The following RANBP17 variants were observed in gnomAD, a reference collection of about 807,000 sequenced individuals.
RANBP17 encodes RAN binding protein 17.
A neutral mutation model predicts 141.2 loss-of-function variants in RANBP17; 158 were observed. The ratio of observed to expected loss-of-function variants is 1.12; its 90% CI spans 0.98 to 1.28. The LOEUF (loss-of-function observed/expected upper bound fraction) is 1.28. RANBP17 is among the 50% of genes most tolerant of loss of function. The pLI, the probability that RANBP17 is intolerant of heterozygous loss-of-function variation, is 0.00. For synonymous variants in RANBP17, 430 were observed against 450.0 expected (o/e 0.96, Z 0.56); for missense variants, 1,438 against 1,290.7 (o/e 1.11, Z -1.75).
intron 14 of RANBP17, among the ~76,000 whole-genome samples, chr5:171,003,956 T>C (rs989034113): frequency 6.6e-6 from 1 of 152,178 alleles, no homozygotes; most frequent in African/African-American, 2.4e-5. Flanking sequence ...ACAGGGTGGA[T>C]AGGCAAAACA....
chr5:171,177,819 C>T (rs1760588926), intron 16 of RANBP17, among the ~76,000 whole-genome samples: 2 of 152,074 alleles, frequency 1.3e-5, no homozygotes, highest in Non-Finnish European at 2.9e-5. Context: ...GGTCCTGTCT[C>T]CTATTAGATT....
At chr5:170,973,030 T>C (rs1777103656) in intron 14 of RANBP17, among the ~76,000 whole-genome samples, 1 of 152,224 alleles carries the variant, frequency 6.6e-6, no homozygotes, top group African/African-American at 2.4e-5. Flanking sequence ...ATGATTCATA[T>C]GTGCTGCTGT....
Position 170,924,408 on chromosome 5 carries a change from G to A in RANBP17, c.1326G>A (p.Leu442=). 6.2e-7 allele frequency: 1 copy of A among 1,608,436 alleles called. No individual in the cohort carries two copies. The highest frequency in any genetic ancestry group is 8.5e-7 in the Non-Finnish European group (1 of 1,175,514). ...LDDTATVFQQ[L]EQLCTVSRCE... is the part of the protein sequence containing the mutation. ...ATACTGCCACTGTGTTTCAGCAGTT[G>A]GAGCAGTTGTGCACGGTCAGCAGAT... Residue 442 remains leucine (L), a synonymous_variant, in exon 12 of 28, where the codon TTG becomes TTA. Coordinates refer to ENST00000523189, the MANE Select transcript of RANBP17 (RefSeq NM_022897.5).
chr5:171,186,403 A>G (rs912104479), intron 18 of RANBP17, among the ~76,000 whole-genome samples: 3 of 151,490 alleles, frequency 2.0e-5, no homozygotes, highest in African/African-American at 7.3e-5. Flanking sequence ...TCATGAACCA[A>G]CCTCTGCTAG....
intron 12 of RANBP17, among the ~76,000 whole-genome samples, chr5:170,940,111 A>C (rs1244512090): frequency 1.3e-5 from 2 of 152,238 alleles, no homozygotes; most frequent in Non-Finnish European, 2.9e-5. Flanking sequence ...TATAAATTTG[A>C]ATATTTTAAA....
intron 14 of RANBP17, among the ~76,000 whole-genome samples, chr5:171,105,361 G>C (rs1323398582): frequency 9.2e-6 from 1 of 108,966 alleles, no homozygotes; most frequent in Admixed American, 1.3e-4. Context: ...CAGCCTGGGC[G>C]ACAGAGCGAG....
chr5:170,939,869 G>A (rs985628788), intron 12 of RANBP17, among the ~76,000 whole-genome samples: 1 of 152,162 alleles, frequency 6.6e-6, no homozygotes, highest in South Asian at 2.1e-4. Context: ...TAAAATGGCA[G>A]CACTTCAAGG....
At chr5:170,886,906 G>T (rs1306390990) in intron 3 of RANBP17, among the ~76,000 whole-genome samples, 2 of 151,546 alleles carry the variant, frequency 1.3e-5, no homozygotes, top group Non-Finnish European at 2.9e-5. Context: ...CAAGCGATCC[G>T]CCTGCCTCAG....
intron 14 of RANBP17, among the ~76,000 whole-genome samples, chr5:170,991,950 T>G (rs1778538398): frequency 6.6e-6 from 1 of 152,038 alleles, no homozygotes; most frequent in African/African-American, 2.4e-5. Flanking sequence ...CACAGATTGA[T>G]TTTTGGAGAA....
intron 14 of RANBP17, chr5:171,029,026 T>C: frequency 1.0e-6 from 1 of 985,710 alleles, no homozygotes; most frequent in Non-Finnish European, 1.3e-6. Context: ...AGCCAGTTCT[T>C]TTCTGGTCAG....
At chr5:170,961,187 C>T (rs1488252099) in intron 13 of RANBP17, among the ~76,000 whole-genome samples, 1 of 152,132 alleles carries the variant, frequency 6.6e-6, no homozygotes. Flanking sequence ...TTATCTTCCT[C>T]TTGATAGATT....
At chr5:170,993,817 G>T (rs1318518292) in intron 14 of RANBP17, among the ~76,000 whole-genome samples, 1 of 151,936 alleles carries the variant, frequency 6.6e-6, no homozygotes, top group African/African-American at 2.4e-5. Flanking sequence ...GTTTAAATGA[G>T]CACTCTCCCA....
chr5:171,260,536 A>G (rs1053554133), intron 24 of RANBP17, among the ~76,000 whole-genome samples: 3 of 151,906 alleles, frequency 2.0e-5, no homozygotes, highest in Admixed American at 2.0e-4. Flanking sequence ...GATGAAGAGA[A>G]GTAGGTTAAA....
chr5:171,186,568 G>A lies in RANBP17; in HGVS notation c.2038+3138G>A, dbSNP rs367936664. Among the ~76,000 whole-genome samples the A allele has an allele frequency of 6.7e-3, 589 of 87,980 alleles. 13 individuals carry two copies. Among genetic ancestry groups the A allele is most frequent in the African/African-American group, 0.023 (489 of 21,120 alleles). 57.7% of individuals were successfully genotyped at this position (87,980 alleles called of 152,430 possible). A position where few individuals can be genotyped will look rare whatever the true frequency, so the allele number is the denominator to read the frequency against. The stretch of plus-strand genomic sequence containing the variant: ...TTTTTTTTTTTTGAGACGGAGTCTC[G>A]CTCTGTCGCCCAGGCTGGAGTGCAG... On this transcript the variant is annotated intron_variant, in intron 18 of 27. Coordinates refer to ENST00000523189, the MANE Select transcript of RANBP17 (RefSeq NM_022897.5).
intron 18 of RANBP17, among the ~76,000 whole-genome samples, chr5:171,197,923 T>C (rs1201097749): frequency 6.6e-6 from 1 of 152,066 alleles, no homozygotes; most frequent in African/African-American, 2.4e-5. Context: ...CCTGTAGTCC[T>C]AGCAACTCAG....
intron 14 of RANBP17, among the ~76,000 whole-genome samples, chr5:171,121,462 G>C (rs961211281): frequency 1.3e-5 from 2 of 152,220 alleles, no homozygotes; most frequent in Non-Finnish European, 2.9e-5. Context: ...GAACTTATCT[G>C]CAGAGCTTGG....
At chr5:171,062,996 G>A (rs1361679632) in intron 14 of RANBP17, among the ~76,000 whole-genome samples, 1 of 151,894 alleles carries the variant, frequency 6.6e-6, no homozygotes, top group Non-Finnish European at 1.5e-5. Context: ...CTCGAGCCTT[G>A]GCTTTCAGCT....
intron 14 of RANBP17, chr5:170,968,845 A>G (rs927651557): frequency 3.2e-5 from 12 of 376,076 alleles, no homozygotes; most frequent in Admixed American, 3.0e-4. Context: ...AATGTTAGGA[A>G]TACTCATAGT....
chr5:170,939,213 C>G (rs185438545), intron 12 of RANBP17, among the ~76,000 whole-genome samples: 1 of 152,026 alleles, frequency 6.6e-6, no homozygotes, highest in African/African-American at 2.4e-5. Context: ...AGATTTCAGA[C>G]AAGTGAAAGC....
Sources: gnomAD v4.1 joint callset for allele counts (sites outside exome capture counted in the v4.1 genomes callset) on GRCh38, gnomAD v4.1.1 for gene constraint, MANE v1.5 for transcripts, NCBI Gene and HGNC (gene_info 2026-07-23, HGNC 2026-07-21) for gene names.